NRF1: variants seen among roughly 807,000 people sequenced by gnomAD.
NRF1 encodes alpha palindromic-binding protein.
A neutral mutation model predicts 58.5 loss-of-function variants in NRF1; 5 were observed. The ratio of observed to expected loss-of-function variants is 0.09; its 90% confidence interval spans 0.04 to 0.18. The LOEUF (loss-of-function observed/expected upper bound fraction) is 0.18. NRF1 is among the 10% of genes least tolerant of loss of function. NRF1 has a pLI of 1.00. For synonymous variants in NRF1, 224 were observed against 246.7 expected (o/e 0.91, Z 0.86); for missense variants, 288 against 657.7 (o/e 0.44, Z 6.15).
chr7:129,693,736 A>T (rs1294742891), intron 5 of NRF1, among the ~76,000 whole-genome samples: 1 of 151,892 alleles, frequency 6.6e-6, no homozygotes, highest in Admixed American at 6.6e-5. Context: ...AAGTAAAGAA[A>T]ACATAAAGTG....
chr7:129,674,588 C>T (rs1328281154), intron 3 of NRF1, among the ~76,000 whole-genome samples: 1 of 152,032 alleles, frequency 6.6e-6, no homozygotes, highest in Non-Finnish European at 1.5e-5. Flanking sequence ...TGCATGTCAC[C>T]ATACCTGGCG....
Position 129,619,396 on chromosome 7 carries a change from GTATATATATATATATA to G in NRF1, c.-7+7595_-7+7610del, listed in dbSNP as rs749333673. ...GATAAAAACTGGACTTGGCATACGT[GTATATATATATATATA>G]TATATATATATATATATATATACAC... On this transcript the variant is annotated intron_variant, in intron 1 of 10. Transcript: ENST00000393232. 6.1e-4 allele frequency among the ~76,000 whole-genome samples: 29 copies of G among 47,356 alleles called. 1 individual carries two copies. The South Asian group carries it at 0.012, about 20-fold the overall frequency. The allele number at this position is 47,356 out of a possible 152,430, so 31.1% of individuals were successfully genotyped here.
chr7:129,729,260 C>T (rs571820389), intron 10 of NRF1, among the ~76,000 whole-genome samples: 2 of 152,226 alleles, frequency 1.3e-5, no homozygotes, highest in Admixed American at 6.5e-5. Context: ...CTCTGGCTCT[C>T]GGCCAAGTAG....
intron 1 of NRF1, among the ~76,000 whole-genome samples, chr7:129,625,675 ATT>A (rs56694598): frequency 1.3e-3 from 112 of 88,994 alleles, no homozygotes; most frequent in African/African-American, 5.1e-3. Context: ...TAATGTTTTA[ATT>A]TTTTTTTTTT....
chr7:129,709,318 C>A, intron 6 of NRF1, 85 bp downstream of exon 6: 2 of 1,194,750 alleles, frequency 1.7e-6, no homozygotes, highest in Non-Finnish European at 2.3e-6. Context: ...ACATCTTGTG[C>A]TAGAAAGTCT....
chr7:129,756,191 A>T lies in NRF1; in HGVS notation c.*1010A>T, dbSNP rs934224312. Reference sequence around the variant, plus strand: ...GAAAAATCGTCCTAGACCAGGATACACCCGTGGGAGCAATTTTCTCTACTG... The same window carrying T: ...GAAAAATCGTCCTAGACCAGGATACTCCCGTGGGAGCAATTTTCTCTACTG... On this transcript the variant is annotated 3_prime_UTR_variant, in exon 11 of 11. Transcript: ENST00000393232. 2.6e-5 allele frequency: 4 copies of T among 152,366 alleles called. No homozygotes were observed. The highest frequency in any genetic ancestry group is 6.5e-5 in the Admixed American group (1 of 15,278). 9.4% of individuals were successfully genotyped at this position (152,366 alleles called of 1,614,324 possible). A position where few individuals can be genotyped will look rare whatever the true frequency, so the allele number is the denominator to read the frequency against.
At chr7:129,731,237 C>CT (rs906448612) in intron 10 of NRF1, among the ~76,000 whole-genome samples, 3 of 150,590 alleles carry the variant, frequency 2.0e-5, no homozygotes, top group African/African-American at 7.3e-5. Flanking sequence ...TGCCACTGCA[C>CT]TCCGGCCTGG....
intron 9 of NRF1, among the ~76,000 whole-genome samples, chr7:129,722,853 G>C (rs1050601108): frequency 1.3e-5 from 2 of 152,130 alleles, no homozygotes; most frequent in African/African-American, 4.8e-5. Context: ...TGTCATCTTT[G>C]ATGGTCATAA....
intron 1 of NRF1, chr7:129,630,237 A>G (rs1478450609): frequency 6.6e-6 from 1 of 152,260 alleles, no homozygotes; most frequent in Non-Finnish European, 1.5e-5. Flanking sequence ...TTGTGAGAAT[A>G]GAGTGAACAA....
At chr7:129,648,514 C>G (rs1014815160) in intron 1 of NRF1, among the ~76,000 whole-genome samples, 1 of 152,074 alleles carries the variant, frequency 6.6e-6, no homozygotes, top group Non-Finnish European at 1.5e-5. Context: ...CTCCTGACCT[C>G]GTGATCCGCC....
chr7:129,639,713 A>G (rs1801247064), intron 1 of NRF1, among the ~76,000 whole-genome samples: 1 of 151,822 alleles, frequency 6.6e-6, no homozygotes, highest in Non-Finnish European at 1.5e-5. Flanking sequence ...ACACCCAGCT[A>G]ATTTTTGTGT....
chr7:129,756,127 G>T lies in NRF1; in HGVS notation c.*946G>T. Reference sequence around the variant, plus strand: ...GTGCGTGCATGGTGGGGGAGAGGATGGGAAGGGGGCGGGGGCAGTGGAAGG... The same window carrying T: ...GTGCGTGCATGGTGGGGGAGAGGATTGGAAGGGGGCGGGGGCAGTGGAAGG... On this transcript the variant is annotated 3_prime_UTR_variant, in exon 11 of 11. Coordinates refer to ENST00000393232, the MANE Select transcript of NRF1 (RefSeq NM_005011.5). The T allele has an allele frequency of 6.5e-6, 1 of 153,100 alleles. No individual in the cohort carries two copies. The allele number at this position is 153,100 out of a possible 1,614,324, so 9.5% of individuals were successfully genotyped here.
At chr7:129,700,363 T>C (rs1388633137) in intron 5 of NRF1, among the ~76,000 whole-genome samples, 1 of 152,170 alleles carries the variant, frequency 6.6e-6, no homozygotes, top group Non-Finnish European at 1.5e-5. Context: ...AAAATCCTAG[T>C]GCCCCGGCCA....
chr7:129,704,044 C>T (rs1802895147), intron 5 of NRF1, among the ~76,000 whole-genome samples: 2 of 151,502 alleles, frequency 1.3e-5, no homozygotes, highest in Non-Finnish European at 2.9e-5. Context: ...CTTGTACATC[C>T]CCCCACCCCC....
Position 129,710,650 on chromosome 7 carries a change from T to G in NRF1, c.963+79T>G, listed in dbSNP as rs1172442768. On this transcript the variant is annotated intron_variant, in intron 7 of 10. Transcript: ENST00000393232. ...ACCTCACCTCAGACTAGGGAAAGTT[T>G]CCTTTGTGCGAACTCTTGTATGAAC... is the stretch of plus-strand genomic sequence containing the variant. 5 of 784,148 alleles carry G rather than the reference T, an allele frequency of 6.4e-6. No homozygotes were observed. In the Admixed American group the frequency reaches 7.2e-5, roughly 11 times the overall value. 48.6% of individuals were successfully genotyped at this position (784,148 alleles called of 1,614,324 possible).
At position 129,690,432 on chromosome 7, in the gene NRF1, G is replaced by A; in HGVS notation, c.492G>A (p.Leu164=). ...NVVRKYKSMI[L]EDLESALAEH... ...TGCGTAAGTACAAGAGCATGATCCTGGAAGACCTGGAGTCTGCTCTGGCAG... is the reference window on the plus strand; with the variant it reads ...TGCGTAAGTACAAGAGCATGATCCTAGAAGACCTGGAGTCTGCTCTGGCAG... Residue 164 remains leucine (L), a synonymous_variant, in exon 5 of 11, where the codon CTG becomes CTA. Coordinates refer to ENST00000393232, the MANE Select transcript of NRF1 (RefSeq NM_005011.5). 1 of 1,614,050 alleles carries A rather than the reference G, an allele frequency of 6.2e-7. No individual in the cohort carries two copies. Among genetic ancestry groups the A allele is most frequent in the Non-Finnish European group, 8.5e-7 (1 of 1,179,966 alleles).
intron 2 of NRF1, among the ~76,000 whole-genome samples, chr7:129,661,305 G>A (rs1035901720): frequency 2.0e-5 from 3 of 151,386 alleles, no homozygotes; most frequent in East Asian, 1.9e-4. Context: ...ATTAACATTC[G>A]TCTCCTTGTT....
At chr7:129,719,532 ACACACACACACAACACATCT>A (rs1383630887) in intron 9 of NRF1, among the ~76,000 whole-genome samples, 1 of 102,456 alleles carries the variant, frequency 9.8e-6, no homozygotes, top group African/African-American at 3.9e-5. Context: ...ACACACACAC[ACACACACACACAACACATCT>A]TCTCAGAGTT....
intron 4 of NRF1, among the ~76,000 whole-genome samples, chr7:129,688,742 C>T (rs1226796393): frequency 3.3e-5 from 5 of 152,024 alleles, no homozygotes; most frequent in African/African-American, 1.2e-4. Flanking sequence ...GCCGGTGGAA[C>T]TGCCAAACAC....
Sources: allele counts gnomAD v4.1 joint callset (sites outside exome capture counted in the v4.1 genomes callset), GRCh38; gene constraint gnomAD v4.1.1; transcripts MANE v1.5; gene names NCBI Gene and HGNC (gene_info 2026-07-23, HGNC 2026-07-21).